The following TTC17 variants were observed in gnomAD, a reference collection of about 807,000 sequenced individuals.
The protein encoded by TTC17 is tetratricopeptide repeat protein 17.
In TTC17, 58 loss-of-function variants were observed where a neutral mutation model predicts 143.8. The ratio of observed to expected loss-of-function variants is 0.40; its 90% CI spans 0.33 to 0.50. The LOEUF (loss-of-function observed/expected upper bound fraction) is 0.50. Among genes scored for constraint, TTC17 ranks in the 20% least tolerant of loss-of-function variants. TTC17 has a pLI of 0.49. For missense variants in TTC17, 1,273 were observed against 1,392.5 expected (o/e 0.91, Z 1.37); for synonymous variants, 501 against 497.8 (o/e 1.01, Z -0.09).
intron 16 of TTC17, among the ~76,000 whole-genome samples, chr11:43,422,577 G>A (rs1946931546): frequency 6.6e-6 from 1 of 152,136 alleles, no homozygotes; most frequent in South Asian, 2.1e-4. Context: ...TAAAGGAGTA[G>A]CCAGTAAGCT....
chr11:43,367,398 G>A (rs559844537), intron 1 of TTC17, among the ~76,000 whole-genome samples: 1 of 152,302 alleles, frequency 6.6e-6, no homozygotes, highest in Non-Finnish European at 1.5e-5. Context: ...GGGGCAACAA[G>A]AGACAATGAA....
At chr11:43,381,767 G>A (rs1443413588) in intron 2 of TTC17, among the ~76,000 whole-genome samples, 1 of 152,170 alleles carries the variant, frequency 6.6e-6, no homozygotes, top group Non-Finnish European at 1.5e-5. Flanking sequence ...AGACCTAGAT[G>A]ATGGTCATGG....
At chr11:43,428,826 T>TC (rs1947087768) in intron 16 of TTC17, among the ~76,000 whole-genome samples, 1 of 152,228 alleles carries the variant, frequency 6.6e-6, no homozygotes, top group Admixed American at 6.5e-5. Context: ...TTTCTTTCTT[T>TC]CCTTCTTTTT....
chr11:43,375,374 T>C (rs773911185), intron 1 of TTC17, among the ~76,000 whole-genome samples: 13 of 152,322 alleles, frequency 8.5e-5, no homozygotes, highest in Non-Finnish European at 1.5e-4. Flanking sequence ...AAATACTCAC[T>C]AAACAGAACC....
At chr11:43,393,830 T>C (rs1857479380) in intron 5 of TTC17, among the ~76,000 whole-genome samples, 1 of 152,218 alleles carries the variant, frequency 6.6e-6, no homozygotes, top group Admixed American at 6.5e-5. Context: ...TCTTACCACA[T>C]ACTAGGTGGC....
intron 1 of TTC17, among the ~76,000 whole-genome samples, chr11:43,375,044 A>G (rs534451944): frequency 1.1e-4 from 17 of 152,352 alleles, no homozygotes; most frequent in Admixed American, 2.6e-4. Context: ...TGTTTGGGCA[A>G]ATTGTAAGGG....
chr11:43,450,171 C>T lies in TTC17; in HGVS notation c.2876C>T (p.Thr959Ile). The T allele has an allele frequency of 1.2e-6, 2 of 1,614,180 alleles. No individual in the cohort carries two copies. Among genetic ancestry groups the T allele is most frequent in the Non-Finnish European group, 1.7e-6 (2 of 1,180,032 alleles). The change falls in exon 20 of 24, where the codon ACC (threonine) becomes ATC (isoleucine). Residue 959 changes from threonine (T) to isoleucine (I), a missense_variant. By Grantham distance (89) the Thr-to-Ile change is moderately conservative (BLOSUM62 -1). This residue lies in a region of TTC17 where 878 missense variants were observed against 899.8 expected (regional missense o/e 0.98). Transcript: ENST00000039989. ...CNGNLPTSMH[T>I]LDHLHGVSNR... ...GGCAATCTCCCCACGAGTATGCATA[C>T]CCTGGACCACTTGCATGGGGTTTCC... is the stretch of plus-strand genomic sequence containing the variant.
intron 2 of TTC17, among the ~76,000 whole-genome samples, chr11:43,386,206 A>G (rs1471563587): frequency 6.6e-6 from 1 of 152,140 alleles, no homozygotes; most frequent in East Asian, 1.9e-4. Flanking sequence ...TTAAAAATCT[A>G]AGTATGAAAA....
chr11:43,376,014 A>G (rs1265665656), intron 1 of TTC17, among the ~76,000 whole-genome samples: 1 of 152,184 alleles, frequency 6.6e-6, no homozygotes, highest in Non-Finnish European at 1.5e-5. Flanking sequence ...ATAGGAGTAA[A>G]ATATTTACTC....
chr11:43,383,698 A>T (rs1426114801), intron 2 of TTC17, among the ~76,000 whole-genome samples: 1 of 152,072 alleles, frequency 6.6e-6, no homozygotes, highest in Non-Finnish European at 1.5e-5. Context: ...GAGAAGAAAC[A>T]ATTGGGAATT....
chr11:43,375,687 A>G (rs114426530), intron 1 of TTC17, among the ~76,000 whole-genome samples: 7,646 of 152,196 alleles, frequency 0.05, 379 homozygotes, highest in East Asian at 0.28. Flanking sequence ...TATGAAGAAT[A>G]AGTTGCACAT....
intron 1 of TTC17, among the ~76,000 whole-genome samples, chr11:43,363,715 G>A (rs966202719): frequency 3.3e-5 from 5 of 152,216 alleles, no homozygotes; most frequent in Non-Finnish European, 7.3e-5. Context: ...TCAAAGTCGT[G>A]TAACTAATGT....
chr11:43,382,632 T>G (rs1857014151), intron 2 of TTC17, among the ~76,000 whole-genome samples: 1 of 152,216 alleles, frequency 6.6e-6, no homozygotes, highest in Non-Finnish European at 1.5e-5. Flanking sequence ...TCAATGTAAT[T>G]TGTTTCCTTT....
At chr11:43,467,589 T>A (rs550541841) in intron 21 of TTC17, among the ~76,000 whole-genome samples, 1 of 152,200 alleles carries the variant, frequency 6.6e-6, no homozygotes, top group Non-Finnish European at 1.5e-5. Flanking sequence ...GAAGGTTGGT[T>A]ACATGATGTG....
At chr11:43,397,062 A>T in intron 6 of TTC17, 1 of 470,750 alleles carries the variant, frequency 2.1e-6, no homozygotes, top group South Asian at 5.1e-5. Flanking sequence ...CCTATGATTC[A>T]CATGATACTT....
intron 3 of TTC17, 127 bp downstream of exon 3, chr11:43,389,948 CA>C (rs1272687078): frequency 4.2e-6 from 3 of 710,706 alleles, no homozygotes; most frequent in Non-Finnish European, 4.6e-6. Flanking sequence ...TTTGAAAATT[CA>C]AAATACATAC....
chr11:43,407,249 A>G (rs1389136048), intron 14 of TTC17, 34 bp downstream of exon 14: 1 of 1,558,002 alleles, frequency 6.4e-7, no homozygotes, highest in Non-Finnish European at 8.7e-7. Context: ...TAAAACTTAA[A>G]TGCTTCTTAA....
At chr11:43,435,088 T>C (rs912270684) in intron 16 of TTC17, 2 of 145,484 alleles carry the variant, frequency 1.4e-5, no homozygotes, top group African/African-American at 2.5e-5. Context: ...GATAGATAGA[T>C]AGATAGATAG....
chr11:43,398,209 T>A, intron 8 of TTC17, 96 bp downstream of exon 8: 1 of 1,474,478 alleles, frequency 6.8e-7, no homozygotes. Flanking sequence ...GTAACTGGAA[T>A]TAAGAAAGAA....
Sources: gnomAD v4.1 joint callset for allele counts (sites outside exome capture counted in the v4.1 genomes callset) on GRCh38, gnomAD v4.1.1 for gene constraint, gnomAD v4.1.1 regional missense constraint, MANE v1.5 for transcripts, NCBI Gene and HGNC (gene_info 2026-07-23, HGNC 2026-07-21) for gene names.